Variants in LRMDA observed in about 807,000 individuals in gnomAD.
LRMDA encodes the protein leucine-rich melanocyte differentiation-associated protein.
LRMDA carries 18 observed loss-of-function variants against 29.8 expected under a neutral mutation model. That is an observed-to-expected ratio of 0.60 (90% CI 0.42 to 0.90). LRMDA has a LOEUF of 0.90. Ranked by LOEUF, LRMDA falls within the 40% of genes least tolerant of loss-of-function variation. The pLI is 0.00. For missense variants in LRMDA, 273 were observed against 273.9 expected (o/e 1.00, Z 0.02); for synonymous variants, 125 against 109.4 (o/e 1.14, Z -0.89).
chr10:76,038,073 C>G (rs148654655), intron 3 of LRMDA, among the ~76,000 whole-genome samples: 3 of 152,204 alleles, frequency 2.0e-5, no homozygotes, highest in African/African-American at 7.2e-5. Flanking sequence ...CCAATATTCT[C>G]AAATAAATCA....
chr10:75,946,544 T>A (rs1442899253), intron 2 of LRMDA, among the ~76,000 whole-genome samples: 2 of 152,164 alleles, frequency 1.3e-5, no homozygotes, highest in African/African-American at 4.8e-5. Context: ...GATTTGTGGG[T>A]GTGTGAAAGG....
intron 2 of LRMDA, among the ~76,000 whole-genome samples, chr10:75,598,567 T>C (rs1404003239): frequency 6.6e-6 from 1 of 152,100 alleles, no homozygotes; most frequent in East Asian, 1.9e-4. Context: ...AGGAAAATGC[T>C]CTGTTACTAC....
chr10:76,409,480 A>G (rs1279821083), intron 6 of LRMDA, among the ~76,000 whole-genome samples: 10 of 152,176 alleles, frequency 6.6e-5, no homozygotes, highest in South Asian at 4.1e-4. Context: ...AAATTTAGAC[A>G]ATTAGTAATA....
intron 6 of LRMDA, among the ~76,000 whole-genome samples, chr10:76,534,697 T>A (rs1414252793): frequency 6.6e-6 from 1 of 152,202 alleles, no homozygotes; most frequent in Non-Finnish European, 1.5e-5. Context: ...AAAAATATTA[T>A]CATTTGGCAA....
chr10:76,127,908 A>T (rs1849913632), intron 5 of LRMDA, among the ~76,000 whole-genome samples: 1 of 152,182 alleles, frequency 6.6e-6, no homozygotes, highest in Non-Finnish European at 1.5e-5. Flanking sequence ...AATTTGATTC[A>T]CATGATTTAA....
chr10:76,140,048 T>G, intron 5 of LRMDA, among the ~76,000 whole-genome samples: 1 of 152,086 alleles, frequency 6.6e-6, no homozygotes, highest in East Asian at 1.9e-4. Flanking sequence ...TCATAGACTT[T>G]TAAGTTTAAG....
chr10:75,926,203 C>A (rs565528006), intron 2 of LRMDA, among the ~76,000 whole-genome samples: 3 of 152,258 alleles, frequency 2.0e-5, no homozygotes, highest in South Asian at 4.2e-4. Flanking sequence ...TTTATTAGAA[C>A]TGGGCATCAA....
At chr10:75,828,225 A>G (rs1844279297) in intron 2 of LRMDA, among the ~76,000 whole-genome samples, 1 of 152,234 alleles carries the variant, frequency 6.6e-6, no homozygotes. Flanking sequence ...GAAAAGAAGT[A>G]GATTCTCTTC....
chr10:76,542,800 C>T (rs1057433777), intron 6 of LRMDA, among the ~76,000 whole-genome samples: 2 of 152,082 alleles, frequency 1.3e-5, no homozygotes, highest in East Asian at 1.9e-4. Flanking sequence ...ATTGATGGCC[C>T]CTGAAAAGGG....
chr10:75,823,660 T>G (rs1178062279), intron 2 of LRMDA, among the ~76,000 whole-genome samples: 1 of 151,638 alleles, frequency 6.6e-6, no homozygotes, highest in Non-Finnish European at 1.5e-5. Context: ...TAAGTATCCA[T>G]CAATGGATGA....
At chr10:76,514,215 A>G (rs996911963) in intron 6 of LRMDA, among the ~76,000 whole-genome samples, 1 of 152,194 alleles carries the variant, frequency 6.6e-6, no homozygotes, top group Non-Finnish European at 1.5e-5. Context: ...GACTCAGCAA[A>G]TGCAGCTCAA....
At chr10:76,548,270 A>G (rs1843445673) in intron 6 of LRMDA, among the ~76,000 whole-genome samples, 1 of 152,170 alleles carries the variant, frequency 6.6e-6, no homozygotes, top group Admixed American at 6.5e-5. Context: ...ATTCTTTCTC[A>G]GCTTGAGAAT....
intron 2 of LRMDA, among the ~76,000 whole-genome samples, chr10:75,723,688 G>A (rs1322480397): frequency 6.6e-6 from 1 of 152,200 alleles, no homozygotes; most frequent in Non-Finnish European, 1.5e-5. Flanking sequence ...ACTCTTAACA[G>A]AAGTGGCAAG....
chr10:75,985,544 A>C (rs1847248541), intron 2 of LRMDA, among the ~76,000 whole-genome samples: 1 of 152,212 alleles, frequency 6.6e-6, no homozygotes, highest in Non-Finnish European at 1.5e-5. Flanking sequence ...CATCAACCTC[A>C]GTCAAAAAAG....
At chr10:76,506,875 G>A (rs1842964416) in intron 6 of LRMDA, among the ~76,000 whole-genome samples, 1 of 151,948 alleles carries the variant, frequency 6.6e-6, no homozygotes, top group Admixed American at 6.6e-5. Context: ...TGGACATTTA[G>A]CTTGATTCCA....
intron 2 of LRMDA, among the ~76,000 whole-genome samples, chr10:75,953,684 A>C (rs889387771): frequency 6.6e-6 from 1 of 152,196 alleles, no homozygotes; most frequent in African/African-American, 2.4e-5. Flanking sequence ...TAGGGCTCAG[A>C]AATCCAACTT....
intron 2 of LRMDA, among the ~76,000 whole-genome samples, chr10:75,812,748 G>A (rs1843986782): frequency 6.6e-6 from 1 of 152,166 alleles, no homozygotes; most frequent in African/African-American, 2.4e-5. Context: ...TGTGTTTCCT[G>A]GTTTACTTGA....
chr10:76,489,754 G>C (rs1412455982), intron 6 of LRMDA, among the ~76,000 whole-genome samples: 1 of 151,872 alleles, frequency 6.6e-6, no homozygotes, highest in Admixed American at 6.6e-5. Context: ...CTGCTTGGGT[G>C]ATAGGTACAC....
chr10:76,475,470 G>C (rs1047901071), intron 6 of LRMDA, among the ~76,000 whole-genome samples: 4 of 151,994 alleles, frequency 2.6e-5, no homozygotes, highest in African/African-American at 9.7e-5. Context: ...ACACCCCACT[G>C]TTAACATTGG....
Sources: gnomAD v4.1 joint callset for allele counts (sites outside exome capture counted in the v4.1 genomes callset) on GRCh38, gnomAD v4.1.1 for gene constraint, MANE v1.5 for transcripts, NCBI Gene and HGNC (gene_info 2026-07-23, HGNC 2026-07-21) for gene names.